CORO1C: variants seen among roughly 807,000 people sequenced by gnomAD.
CORO1C encodes coronin 1C.
A neutral mutation model predicts 51.2 loss-of-function variants in CORO1C; 14 were observed. The observed-to-expected ratio is 0.27, with a 90% CI of 0.18 to 0.43. The LOEUF (loss-of-function observed/expected upper bound fraction) is 0.43, where lower values mean the gene tolerates loss of function less well. Ranked by LOEUF, CORO1C falls within the 20% of genes least tolerant of loss-of-function variation. The pLI, the probability that CORO1C is intolerant of heterozygous loss-of-function variation, is 1.00. For synonymous variants in CORO1C, 181 were observed against 210.5 expected, an observed-to-expected ratio of 0.86 and a Z score of 1.21; for missense variants, 417 against 607.8, an observed-to-expected ratio of 0.69 and a Z score of 3.30.
intron 1 of CORO1C, among the ~76,000 whole-genome samples, chr12:108,709,140 C>T (rs1399357563): frequency 1.3e-5 from 2 of 151,870 alleles, no homozygotes; most frequent in Non-Finnish European, 2.9e-5. Flanking sequence ...TACTATAAAC[C>T]GCTGAACTGT....
chr12:108,650,318 A>G (rs927421073), intron 8 of CORO1C, among the ~76,000 whole-genome samples: 2 of 149,132 alleles, frequency 1.3e-5, no homozygotes, highest in Admixed American at 1.4e-4. Context: ...AACTGGGACC[A>G]CAGGTACGTA....
rs76628739 is a variant in CORO1C at position 108,702,280 on chromosome 12, G to A, written c.-5-957C>T. Among the ~76,000 whole-genome samples the A allele has an allele frequency of 6.4e-3, 969 of 152,182 alleles. 6 individuals carry two copies. Among genetic ancestry groups the A allele is most frequent in the Non-Finnish European group, 1.0e-2 (679 of 67,992 alleles). Reference sequence around the variant, plus strand: ...AAGGAAAAATGCAGGGGCTATTGTCGGGGGGAAACAAAACCAGGCTGGGTT... The same window carrying A: ...AAGGAAAAATGCAGGGGCTATTGTCAGGGGGAAACAAAACCAGGCTGGGTT... On this transcript the variant is annotated intron_variant, in intron 1 of 10. Transcript: ENST00000261401.
chr12:108,667,257 T>G (rs1370807434), intron 3 of CORO1C, among the ~76,000 whole-genome samples: 1 of 152,194 alleles, frequency 6.6e-6, no homozygotes, highest in Non-Finnish European at 1.5e-5. Context: ...ACCCAAGATA[T>G]CATTATGTGT....
chr12:108,681,197 C>T (rs1423655852), intron 2 of CORO1C, among the ~76,000 whole-genome samples: 1 of 152,106 alleles, frequency 6.6e-6, no homozygotes, highest in Non-Finnish European at 1.5e-5. Context: ...CTTAAAACAT[C>T]CTAAGGCTGG....
intron 2 of CORO1C, among the ~76,000 whole-genome samples, chr12:108,691,389 A>G (rs2034490276): frequency 6.6e-6 from 1 of 152,206 alleles, no homozygotes; most frequent in South Asian, 2.1e-4. Context: ...AAATGTGTTC[A>G]TGACACCTTG....
At chr12:108,715,530 T>C (rs2035304355) in intron 1 of CORO1C, among the ~76,000 whole-genome samples, 2 of 152,154 alleles carry the variant, frequency 1.3e-5, no homozygotes, top group African/African-American at 2.4e-5. Context: ...CCAGCATCTT[T>C]ATAAACACAA....
intron 6 of CORO1C, among the ~76,000 whole-genome samples, chr12:108,655,591 G>C (rs530417277): frequency 3.3e-5 from 5 of 152,198 alleles, no homozygotes; most frequent in African/African-American, 4.8e-5. Flanking sequence ...TGTGTTGGCG[G>C]GGCTGGTCTC....
At chr12:108,695,058 G>A (rs567916534) in intron 2 of CORO1C, among the ~76,000 whole-genome samples, 2 of 152,156 alleles carry the variant, frequency 1.3e-5, no homozygotes, top group Non-Finnish European at 2.9e-5. Flanking sequence ...TCTGGCCCAG[G>A]GTTTTTCACG....
intron 8 of CORO1C, chr12:108,649,425 C>G (rs780316652): frequency 4.7e-6 from 1 of 215,050 alleles, no homozygotes; most frequent in Non-Finnish European, 9.4e-6. Context: ...GGTACAAGGT[C>G]TTCTGCCAGC....
rs564930347 is a variant in CORO1C, at chr12:108,662,126, A to C, written c.351T>G (p.Leu117=). The C allele has an allele frequency of 3.1e-6, 5 of 1,613,962 alleles. No individual in the cohort carries two copies. The highest frequency in any genetic ancestry group is 4.2e-6 in the Non-Finnish European group (5 of 1,179,838). Residue 117 remains leucine, a synonymous_variant, in exon 4 of 11, where the codon CTT becomes CTG. Coordinates refer to ENST00000261401, the MANE Select transcript of CORO1C (RefSeq NM_014325.4). Reference sequence around the variant, plus strand: ...AAATCACCACAGGTTCAGTCAGGGAAAGGGTGAGTCCATTTTCTGGGATCT... The same window carrying C: ...AAATCACCACAGGTTCAGTCAGGGACAGGGTGAGTCCATTTTCTGGGATCT... ...VWQIPENGLT[L]SLTEPVVILE...
At chr12:108,728,341 TA>T (rs34199304) in intron 1 of CORO1C, among the ~76,000 whole-genome samples, 11,437 of 144,892 alleles carry the variant, frequency 0.079, 617 homozygotes, top group East Asian at 0.32. Context: ...ATTTGACCAT[TA>T]AAAAAAAAAA....
intron 2 of CORO1C, among the ~76,000 whole-genome samples, chr12:108,694,811 G>C (rs1453453884): frequency 6.6e-6 from 1 of 152,086 alleles, no homozygotes; most frequent in Non-Finnish European, 1.5e-5. Flanking sequence ...TTAAAGGCTA[G>C]GTGGAAATAT....
chr12:108,659,135 G>A (rs369882445), intron 4 of CORO1C, among the ~76,000 whole-genome samples: 2 of 152,194 alleles, frequency 1.3e-5, no homozygotes. Context: ...GAAAAAGTTT[G>A]TATAAAAGAA....
intron 4 of CORO1C, 72 bp downstream of exon 4, chr12:108,661,957 C>T: frequency 6.4e-7 from 1 of 1,570,750 alleles, no homozygotes; most frequent in African/African-American, 1.3e-5. Flanking sequence ...AACCAAAACA[C>T]ATTTGCTTCC....
chr12:108,647,578 CTG>C, intron 10 of CORO1C, 56 bp from the exon 11 acceptor site: 2 of 1,268,900 alleles, frequency 1.6e-6, no homozygotes, highest in Non-Finnish European at 1.1e-6. Context: ...AAGTTCAACA[CTG>C]TTCAAAACTT....
chr12:108,699,253 T>C (rs1241984582), intron 2 of CORO1C, among the ~76,000 whole-genome samples: 3 of 152,224 alleles, frequency 2.0e-5, no homozygotes, highest in Admixed American at 1.3e-4. Context: ...GCTGGGGCAC[T>C]GCACACAGGT....
intron 3 of CORO1C, among the ~76,000 whole-genome samples, chr12:108,665,281 G>C (rs2033430057): frequency 6.6e-6 from 1 of 152,084 alleles, no homozygotes; most frequent in Admixed American, 6.5e-5. Context: ...TTTAAAATAA[G>C]GAAACTCTGT....
At chr12:108,694,786 ACG>A (rs2034619462) in intron 2 of CORO1C, among the ~76,000 whole-genome samples, 1 of 16,936 alleles carries the variant, frequency 5.9e-5, no homozygotes. Context: ...TTATATTTCT[ACG>A]TAGATTTTTT....
intron 1 of CORO1C, among the ~76,000 whole-genome samples, chr12:108,713,333 T>C (rs2035236239): frequency 6.6e-6 from 1 of 152,332 alleles, no homozygotes; most frequent in African/African-American, 2.4e-5. Context: ...TGAATAGCCT[T>C]GATGTTGGTT....
Sources: gnomAD v4.1 joint callset for allele counts (sites outside exome capture counted in the v4.1 genomes callset) on GRCh38, gnomAD v4.1.1 for gene constraint, MANE v1.5 for transcripts, NCBI Gene and HGNC (gene_info 2026-07-23, HGNC 2026-07-21) for gene names.